The following ADCY5 variants were observed in gnomAD, a reference collection of about 807,000 sequenced individuals.
ADCY5 encodes adenylate cyclase 5.
ADCY5 carries 30 observed loss-of-function variants against 119.7 expected under a neutral mutation model. The observed-to-expected ratio is 0.25, with a 90% CI of 0.19 to 0.34. The LOEUF is 0.34. ADCY5 is among the 10% of genes least tolerant of loss of function. The pLI, the probability that ADCY5 is intolerant of heterozygous loss-of-function variation, is 1.00. For synonymous variants in ADCY5, 753 were observed against 762.2 expected, an observed-to-expected ratio of 0.99 and a Z score of 0.20; for missense variants, 1,324 against 1,775.2, an observed-to-expected ratio of 0.75 and a Z score of 4.57.
In ADCY5 at chr3:123,448,113, A is replaced by AGGC; in HGVS notation, c.430_432dup (p.Ala144dup). The AGGC allele has an allele frequency of 9.0e-7, 1 of 1,115,152 alleles. No homozygotes were observed. The highest frequency in any genetic ancestry group is 1.1e-6 in the Non-Finnish European group (1 of 917,082). 69.1% of individuals were successfully genotyped at this position (1,115,152 alleles called of 1,614,324 possible). ...GGGCGCACCTCCGTCCCGCCCGCCGAGGCAGCCGCCGCCGCCGAGCCGCCG... is the reference window on the plus strand; with the variant it reads ...GGGCGCACCTCCGTCCCGCCCGCCGAGGCGGCAGCCGCCGCCGCCGAGCCGCCG... On this transcript the variant is annotated inframe_insertion, in exon 1 of 21. Transcript: ENST00000462833.
chr3:123,431,110 C>T (rs371366999), intron 1 of ADCY5, among the ~76,000 whole-genome samples: 1 of 152,098 alleles, frequency 6.6e-6, no homozygotes, highest in Non-Finnish European at 1.5e-5. Flanking sequence ...GTACTAGTGC[C>T]GGACTAACAC....
At chr3:123,428,223 C>G (rs1945451627) in intron 1 of ADCY5, among the ~76,000 whole-genome samples, 2 of 152,196 alleles carry the variant, frequency 1.3e-5, no homozygotes, top group Non-Finnish European at 2.9e-5. Flanking sequence ...CTTTATGGCA[C>G]ACACAGGCAG....
At chr3:123,360,096 T>C (rs1259636785) in intron 1 of ADCY5, among the ~76,000 whole-genome samples, 1 of 152,092 alleles carries the variant, frequency 6.6e-6, no homozygotes, top group African/African-American at 2.4e-5. Flanking sequence ...TTTTTAACTG[T>C]TTTTCTAATC....
intron 5 of ADCY5, among the ~76,000 whole-genome samples, chr3:123,329,753 A>T (rs1211827472): frequency 6.6e-6 from 1 of 152,186 alleles, no homozygotes; most frequent in Non-Finnish European, 1.5e-5. Flanking sequence ...GCCATCAGCA[A>T]GAGGCTGACA....
intron 1 of ADCY5, among the ~76,000 whole-genome samples, chr3:123,371,596 G>A (rs1385355148): frequency 2.0e-5 from 3 of 152,226 alleles, no homozygotes; most frequent in South Asian, 2.1e-4. Flanking sequence ...CCTGAGCCTC[G>A]GGGCATTGCA....
At chr3:123,382,093 G>A (rs56923602) in intron 1 of ADCY5, among the ~76,000 whole-genome samples, 10,029 of 152,114 alleles carry the variant, frequency 0.066, 817 homozygotes, top group East Asian at 0.25. Flanking sequence ...CTGAATAGGC[G>A]GCAGGCACAT....
chr3:123,334,188 C>G (rs1212618497), intron 3 of ADCY5, among the ~76,000 whole-genome samples: 5 of 152,098 alleles, frequency 3.3e-5, no homozygotes, highest in African/African-American at 1.2e-4. Flanking sequence ...AAGCGGGAGG[C>G]TTCCAACATG....
chr3:123,302,437 T>C (rs1939901005), intron 14 of ADCY5, among the ~76,000 whole-genome samples: 1 of 152,224 alleles, frequency 6.6e-6, no homozygotes, highest in Middle Eastern at 3.2e-3. Context: ...TAAAAGCTAC[T>C]GAACCGTGCA....
intron 1 of ADCY5, among the ~76,000 whole-genome samples, chr3:123,447,060 G>A (rs138873316): frequency 1.6e-3 from 241 of 152,296 alleles, no homozygotes; most frequent in Non-Finnish European, 2.6e-3. Context: ...AGCCACTTTC[G>A]TTAGGGGCCT....
Position 123,384,071 on chromosome 3 carries a change from A to G in ADCY5, c.1135-31490T>C, listed in dbSNP as rs114087959. On this transcript the variant is annotated intron_variant, in intron 1 of 20. Coordinates refer to ENST00000462833, the MANE Select transcript of ADCY5 (RefSeq NM_183357.3). Reference sequence around the variant, plus strand: ...AAGGGAGTCTGTCCATGCTCCCGGGACAGTAATGACTGCTCCTTAGTCCCT... The same window carrying G: ...AAGGGAGTCTGTCCATGCTCCCGGGGCAGTAATGACTGCTCCTTAGTCCCT... Among the ~76,000 whole-genome samples the G allele has an allele frequency of 2.7e-3, 413 of 152,212 alleles. 5 individuals are homozygous for G. The highest frequency in any genetic ancestry group is 9.2e-3 in the African/African-American group (380 of 41,530).
intron 15 of ADCY5, 101 bp downstream of exon 15, chr3:123,300,019 T>C (rs1939748597): frequency 1.5e-6 from 2 of 1,304,600 alleles, no homozygotes; most frequent in East Asian, 4.7e-5. Flanking sequence ...GATACTCTCC[T>C]CGCAAGTTCC....
At chr3:123,343,520 G>A (rs1035712933) in intron 3 of ADCY5, among the ~76,000 whole-genome samples, 1 of 152,184 alleles carries the variant, frequency 6.6e-6, no homozygotes, top group African/African-American at 2.4e-5. Flanking sequence ...TCCTGGGCAA[G>A]GGTGAGCTGC....
At chr3:123,332,469 T>C in intron 4 of ADCY5, 95 bp downstream of exon 4, 3 of 897,976 alleles carry the variant, frequency 3.3e-6, no homozygotes, top group Non-Finnish European at 5.4e-6. Context: ...CCCAGGCACA[T>C]GCCCATCCCT....
At chr3:123,345,769 G>GACAGACAGACACACAGACACAC (rs57198270) in intron 3 of ADCY5, among the ~76,000 whole-genome samples, 1 of 113,762 alleles carries the variant, frequency 8.8e-6, no homozygotes, top group East Asian at 2.3e-4. Context: ...CAGACAGACA[G>GACAGACAGACACACAGACACAC]ACACACACAC....
At chr3:123,369,457 C>A (rs374690075) in intron 1 of ADCY5, among the ~76,000 whole-genome samples, 1 of 152,160 alleles carries the variant, frequency 6.6e-6, no homozygotes, top group South Asian at 2.1e-4. Flanking sequence ...CTGCCATGGC[C>A]ACTAAGCATT....
At chr3:123,437,694 T>C (rs1268570441) in intron 1 of ADCY5, among the ~76,000 whole-genome samples, 1 of 151,562 alleles carries the variant, frequency 6.6e-6, no homozygotes, top group Non-Finnish European at 1.5e-5. Flanking sequence ...TTTTGGAGAG[T>C]GGGGATGGGA....
intron 1 of ADCY5, among the ~76,000 whole-genome samples, chr3:123,391,396 C>G (rs1307567298): frequency 6.6e-6 from 1 of 152,100 alleles, no homozygotes; most frequent in Non-Finnish European, 1.5e-5. Context: ...GCAGCTTGGA[C>G]AAAACAGAGT....
intron 1 of ADCY5, among the ~76,000 whole-genome samples, chr3:123,380,057 C>T (rs149111724): frequency 2.9e-3 from 437 of 152,250 alleles, no homozygotes; most frequent in African/African-American, 9.4e-3. Flanking sequence ...CTCCCAACAA[C>T]GGATGAGATT....
chr3:123,302,857 G>A (rs949735398), intron 14 of ADCY5, among the ~76,000 whole-genome samples, 198 bp downstream of exon 14: 1 of 152,208 alleles, frequency 6.6e-6, no homozygotes, highest in Non-Finnish European at 1.5e-5. Context: ...AACAGTCATT[G>A]TCATATGGAG....
Sources: gnomAD v4.1 joint callset for allele counts (sites outside exome capture counted in the v4.1 genomes callset) on GRCh38, gnomAD v4.1.1 for gene constraint, MANE v1.5 for transcripts, NCBI Gene and HGNC (gene_info 2026-07-23, HGNC 2026-07-21) for gene names.